AGXT2: variants seen among roughly 807,000 people sequenced by gnomAD.
The protein encoded by AGXT2 is alanine--glyoxylate aminotransferase 2, mitochondrial.
A neutral mutation model predicts 62.5 loss-of-function variants in AGXT2; 61 were observed. The ratio of observed to expected loss-of-function variants is 0.98; its 90% CI spans 0.79 to 1.21. The LOEUF is 1.21. AGXT2 is among the 50% of genes most tolerant of loss of function. The probability of loss-of-function intolerance (pLI) is 0.00; values close to 1 mark genes in which losing one functional copy is unlikely to be tolerated. For synonymous variants in AGXT2, 243 were observed against 218.7 expected, an observed-to-expected ratio of 1.11 and a Z score of -0.98; for missense variants, 666 against 641.5, an observed-to-expected ratio of 1.04 and a Z score of -0.41.
intron 8 of AGXT2, 114 bp from the exon 9 acceptor site, chr5:35,025,969 TAAC>T: frequency 1.1e-6 from 1 of 869,914 alleles, no homozygotes; most frequent in Non-Finnish European, 1.9e-6. Flanking sequence ...CTAGCAATTT[TAAC>T]AACAGTCTGT....
intron 11 of AGXT2, chr5:35,012,488 C>T (rs1766682420): frequency 6.3e-6 from 1 of 157,774 alleles, no homozygotes; most frequent in Non-Finnish European, 1.4e-5. Flanking sequence ...GATGCGATCC[C>T]AGGCTAAATC....
intron 1 of AGXT2, among the ~76,000 whole-genome samples, chr5:35,046,196 C>T (rs891801356): frequency 6.6e-6 from 1 of 152,160 alleles, no homozygotes; most frequent in African/African-American, 2.4e-5. Context: ...ACCTGCTGCT[C>T]CACTGTGCAA....
chr5:35,006,482 G>T (rs759438886), intron 12 of AGXT2, among the ~76,000 whole-genome samples: 1 of 152,130 alleles, frequency 6.6e-6, no homozygotes, highest in South Asian at 2.1e-4. Flanking sequence ...CAGATGGGTC[G>T]TGTGGGGAGA....
chr5:35,033,674 TTCTAAGAACGCA>T (rs1239009919), intron 5 of AGXT2, 121 bp from the exon 6 acceptor site: 4 of 754,392 alleles, frequency 5.3e-6, no homozygotes, highest in Non-Finnish European at 9.4e-6. Flanking sequence ...CACCTCTGAT[TTCTAAGAACGCA>T]TCTAAGCTTA....
At chr5:35,025,077 T>G (rs1484745788) in intron 9 of AGXT2, among the ~76,000 whole-genome samples, 11 of 152,106 alleles carry the variant, frequency 7.2e-5, no homozygotes, top group Non-Finnish European at 1.3e-4. Context: ...AAATAAAGAT[T>G]AAAAACTTGG....
chr5:35,037,763 A>G (rs557735430), intron 3 of AGXT2, among the ~76,000 whole-genome samples: 1 of 152,206 alleles, frequency 6.6e-6, no homozygotes, highest in South Asian at 2.1e-4. Context: ...CTGAGTCTGA[A>G]CAGTGGTTAG....
intron 1 of AGXT2, among the ~76,000 whole-genome samples, chr5:35,047,106 G>A (rs37381): frequency 0.34 from 51,126 of 151,968 alleles, 8,829 homozygotes; most frequent in South Asian, 0.44. Flanking sequence ...CTTCCTAGAG[G>A]CATGATGAAA....
intron 9 of AGXT2, among the ~76,000 whole-genome samples, chr5:35,025,318 G>T (rs1808007): frequency 6.6e-6 from 1 of 152,106 alleles, no homozygotes; most frequent in Non-Finnish European, 1.5e-5. Context: ...CGGAGGTTGC[G>T]GTGAGTCGAG....
chr5:35,023,774 T>C (rs576131395), intron 9 of AGXT2, among the ~76,000 whole-genome samples: 2 of 152,332 alleles, frequency 1.3e-5, no homozygotes, highest in African/African-American at 4.8e-5. Context: ...GGACATCCAA[T>C]ACACCTGGGC....
chr5:35,017,601 A>G (rs761029291), intron 9 of AGXT2, among the ~76,000 whole-genome samples: 1 of 152,194 alleles, frequency 6.6e-6, no homozygotes, highest in Non-Finnish European at 1.5e-5. Flanking sequence ...GGCCTCCCCA[A>G]CCACATGGAA....
intron 2 of AGXT2, among the ~76,000 whole-genome samples, chr5:35,039,878 A>T (rs544964669): frequency 6.6e-6 from 1 of 152,342 alleles, no homozygotes; most frequent in South Asian, 2.1e-4. Context: ...GTAGTGTTTT[A>T]AAAAATTAAA....
chr5:35,026,464 C>A lies in AGXT2; in HGVS notation c.816G>T (p.Thr272=). 6.2e-7 allele frequency: 1 copy of A among 1,613,778 alleles called. No individual in the cohort carries two copies. Among genetic ancestry groups the A allele is most frequent in the Non-Finnish European group, 8.5e-7 (1 of 1,179,840 alleles). The change falls in exon 8 of 14, where the codon ACG becomes ACT. Residue 272 remains threonine (T), a synonymous_variant. Coordinates refer to ENST00000231420, the MANE Select transcript of AGXT2 (RefSeq NM_031900.4). ...TTGACTTGGCCACAGATGTGCTCAG[C>A]GTATCTTTGAATTGCTCAATATACT... ...KDQYIEQFKD[T]LSTSVAKSIA... is the part of the protein sequence containing the mutation.
chr5:35,035,431 G>A, intron 4 of AGXT2, 115 bp from the exon 5 acceptor site: 1 of 834,620 alleles, frequency 1.2e-6, no homozygotes, highest in Non-Finnish European at 2.0e-6. Flanking sequence ...GTTCCCTTCA[G>A]ACCAGCTCGG....
At chr5:35,043,105 C>G (rs140791809) in intron 1 of AGXT2, among the ~76,000 whole-genome samples, 8 of 152,302 alleles carry the variant, frequency 5.3e-5, no homozygotes, top group Non-Finnish European at 1.0e-4. Context: ...AGACAGTTCA[C>G]TGCAACTTTA....
At chr5:35,007,630 C>A (rs1320728670) in intron 12 of AGXT2, among the ~76,000 whole-genome samples, 1 of 152,126 alleles carries the variant, frequency 6.6e-6, no homozygotes, top group Non-Finnish European at 1.5e-5. Flanking sequence ...GATGTAGGAG[C>A]TGGGATTTAA....
intron 1 of AGXT2, among the ~76,000 whole-genome samples, chr5:35,045,247 T>C (rs1768141879): frequency 6.6e-6 from 1 of 152,196 alleles, no homozygotes; most frequent in Non-Finnish European, 1.5e-5. Flanking sequence ...ACTATGTAGA[T>C]ACTATACAAG....
In AGXT2 at chr5:35,041,429, C is replaced by T. The variant is rs116321391; in HGVS notation, c.89-766G>A. On this transcript the variant is annotated intron_variant, in intron 1 of 13. Coordinates refer to ENST00000231420, the MANE Select transcript of AGXT2 (RefSeq NM_031900.4). ...GTTATCAAGCTAGTTAGGTGAAGAACGGGAACAAAACTCCTCTGACTCCTA... is the reference window on the plus strand; with the variant it reads ...GTTATCAAGCTAGTTAGGTGAAGAATGGGAACAAAACTCCTCTGACTCCTA... Among the ~76,000 whole-genome samples, 960 of 152,118 alleles carry T rather than the reference C, an allele frequency of 6.3e-3. 8 individuals are homozygous for T. The highest frequency in any genetic ancestry group is 0.022 in the African/African-American group (930 of 41,488).
intron 10 of AGXT2, among the ~76,000 whole-genome samples, chr5:35,013,648 G>A (rs541743420): frequency 1.3e-5 from 2 of 152,250 alleles, no homozygotes; most frequent in Admixed American, 1.3e-4. Flanking sequence ...TGGGCGTGGT[G>A]GTGCGCACCT....
At chr5:35,010,993 C>T (rs2112191225) in intron 11 of AGXT2, among the ~76,000 whole-genome samples, 1 of 152,218 alleles carries the variant, frequency 6.6e-6, no homozygotes, top group South Asian at 2.1e-4. Context: ...GGATTTTTAC[C>T]TCAGTTTTAC....
Sources: gnomAD v4.1 joint callset for allele counts (sites outside exome capture counted in the v4.1 genomes callset) on GRCh38, gnomAD v4.1.1 for gene constraint, MANE v1.5 for transcripts, NCBI Gene and HGNC (gene_info 2026-07-23, HGNC 2026-07-21) for gene names.